SERPINC1: variants seen among roughly 807,000 people sequenced by gnomAD.
The protein encoded by SERPINC1 is serpin family C member 1, also known as antithrombin-III.
A neutral mutation model predicts 43.4 loss-of-function variants in SERPINC1; 12 were observed. The ratio of observed to expected loss-of-function variants is 0.28; its 90% confidence interval spans 0.18 to 0.45. The LOEUF is 0.45. Ranked by LOEUF, SERPINC1 falls within the 20% of genes least tolerant of loss-of-function variation. The pLI, the probability that SERPINC1 is intolerant of heterozygous loss-of-function variation, is 1.00. For missense variants in SERPINC1, 423 were observed against 578.8 expected (o/e 0.73, Z 2.76); for synonymous variants, 210 against 218.9 (o/e 0.96, Z 0.36).
chr1:173,916,777 CT>C (rs1658008314), intron 1 of SERPINC1, among the ~76,000 whole-genome samples: 1 of 152,014 alleles, frequency 6.6e-6, no homozygotes, highest in South Asian at 2.1e-4. Context: ...AGTTTTGGCC[CT>C]TTAGTCAAAG....
chr1:173,913,043 C>A (rs895220927), intron 2 of SERPINC1, among the ~76,000 whole-genome samples: 1 of 152,164 alleles, frequency 6.6e-6, no homozygotes, highest in Non-Finnish European at 1.5e-5. Flanking sequence ...CACCCCAGAG[C>A]CCTGAGCAAA....
intron 5 of SERPINC1, among the ~76,000 whole-genome samples, chr1:173,909,339 GC>G (rs1657663691): frequency 6.6e-6 from 1 of 152,130 alleles, no homozygotes; most frequent in Non-Finnish European, 1.5e-5. Context: ...TGCTAGCTGG[GC>G]CCATGGAGAT....
intron 5 of SERPINC1, among the ~76,000 whole-genome samples, chr1:173,909,218 A>G (rs1413044577): frequency 6.6e-6 from 1 of 152,116 alleles, no homozygotes; most frequent in African/African-American, 2.4e-5. Flanking sequence ...TGGGAACCAC[A>G]TTTCCCCAGC....
intron 6 of SERPINC1, among the ~76,000 whole-genome samples, chr1:173,906,400 C>G (rs1657513275): frequency 6.6e-6 from 1 of 152,188 alleles, no homozygotes; most frequent in Non-Finnish European, 1.5e-5. Context: ...CTTGTCAGAC[C>G]TCAGCATGTC....
In SERPINC1 at chr1:173,907,477, T is replaced by G; in HGVS notation, c.1191A>C (p.Ser397=). The part of the protein sequence containing the change: ...VAEGRDDLYV[S]DAFHKAFLEV... Reference sequence around the variant, plus strand: ...CAAGAAATGCCTTATGGAATGCATCTGAGACATAGAGGTCATCTCGGCCTT... The same window carrying G: ...CAAGAAATGCCTTATGGAATGCATCGGAGACATAGAGGTCATCTCGGCCTT... The change falls in exon 6 of 7, where the codon TCA becomes TCC. Residue 397 remains serine (S), a synonymous_variant. Coordinates refer to ENST00000367698, the MANE Select transcript of SERPINC1 (RefSeq NM_000488.4). The G allele has an allele frequency of 6.2e-7, 1 of 1,613,900 alleles. No individual in the cohort carries two copies. Among genetic ancestry groups the G allele is most frequent in the Non-Finnish European group, 8.5e-7 (1 of 1,179,764 alleles).
chr1:173,908,371 T>TCCTA (rs1657618295), intron 5 of SERPINC1, among the ~76,000 whole-genome samples: 1 of 150,962 alleles, frequency 6.6e-6, no homozygotes, highest in African/African-American at 2.4e-5. Context: ...GCGCCTGTAA[T>TCCTA]CCTAGCTCCT....
chr1:173,912,997 A>G (rs1657834844), intron 2 of SERPINC1, among the ~76,000 whole-genome samples: 1 of 152,240 alleles, frequency 6.6e-6, no homozygotes, highest in Non-Finnish European at 1.5e-5. Flanking sequence ...TTTTAAATCT[A>G]CAATTTCTTT....
At position 173,914,823 on chromosome 1, in the gene SERPINC1, G is replaced by A. The variant is rs775397662; in HGVS notation, c.138C>T (p.Asp46=). 11 of 1,614,236 alleles carry A rather than the reference G, an allele frequency of 6.8e-6. No homozygotes were observed. Among genetic ancestry groups the A allele is most frequent in the Middle Eastern group, 3.3e-4 (2 of 6,062 alleles). ...AAATGCACATGGGATTCATGGGAATGTCCCGCGGCTTGGCTGTGCAGATGT... is the reference window on the plus strand; with the variant it reads ...AAATGCACATGGGATTCATGGGAATATCCCGCGGCTTGGCTGTGCAGATGT... The part of the protein sequence containing the change: ...PVDICTAKPR[D]IPMNPMCIYR... Residue 46 remains aspartate (D), a synonymous_variant, in exon 2 of 7, where the codon GAC becomes GAT. Coordinates refer to ENST00000367698, the MANE Select transcript of SERPINC1 (RefSeq NM_000488.4).
At chr1:173,915,038 G>A (rs1044267766) in intron 1 of SERPINC1, 119 bp from the exon 2 acceptor site, 1 of 1,534,550 alleles carries the variant, frequency 6.5e-7, no homozygotes, top group Non-Finnish European at 8.7e-7. Flanking sequence ...CAAGAGAAAG[G>A]CTAAATCCTT....
At chr1:173,913,060 G>A (rs1024978434) in intron 2 of SERPINC1, among the ~76,000 whole-genome samples, 2 of 152,178 alleles carry the variant, frequency 1.3e-5, no homozygotes, top group South Asian at 4.1e-4. Context: ...CAAAGGTGAT[G>A]AAGTTCCATG....
At chr1:173,904,155 A>C (rs926355058) in intron 6 of SERPINC1, 90 bp from the exon 7 acceptor site, 1 of 1,259,660 alleles carries the variant, frequency 7.9e-7, no homozygotes, top group Admixed American at 1.8e-5. Context: ...CAATTCCTCA[A>C]ATGCTTTTGT....
In SERPINC1 at chr1:173,909,958, AAAGT is replaced by A; in HGVS notation, c.763-20_763-17del. 1 of 1,613,718 alleles carries A rather than the reference AAAGT, an allele frequency of 6.2e-7. No homozygotes were observed. The highest frequency in any genetic ancestry group is 8.5e-7 in the Non-Finnish European group (1 of 1,179,736). ...TCCACAGGCCCTGGAAGAGAATCAC[AAAGT>A]AAGAACACAAACATTCATAGGAGGA... On this transcript the variant is annotated splice_polypyrimidine_tract_variant and intron_variant, in intron 4 of 6. Transcript: ENST00000367698.
intron 4 of SERPINC1, 98 bp downstream of exon 4, chr1:173,910,656 G>A (rs1192166658): frequency 2.7e-6 from 3 of 1,119,476 alleles, no homozygotes. Context: ...CAGTCCATTT[G>A]CCCTCTCAGG....
chr1:173,907,547 T>C (rs1370992163), intron 5 of SERPINC1, 33 bp from the exon 6 acceptor site: 2 of 1,571,450 alleles, frequency 1.3e-6, no homozygotes, highest in African/African-American at 2.7e-5. Context: ...CTTTGTGAGA[T>C]GGGAGAAAGT....
intron 1 of SERPINC1, among the ~76,000 whole-genome samples, chr1:173,916,891 G>A (rs1459096803): frequency 2.0e-5 from 3 of 152,172 alleles, no homozygotes; most frequent in African/African-American, 4.8e-5. Flanking sequence ...CTCTCTTCCC[G>A]GATGGATGGC....
In SERPINC1 at chr1:173,914,614, G is replaced by A; in HGVS notation, c.347C>T (p.Ser116Phe). Residue 116 changes from serine (S) to phenylalanine (F), a missense_variant, in exon 2 of 7, where the codon TCC becomes TTC. Physicochemically the swap from Ser to Phe is radical, Grantham distance 155. Transcript: ENST00000367698. Reference sequence around the variant, plus strand: ...CAGCTTGGTCATAGCAAAAGCCGTGGAGATACTCAGGGGTGACAGGAAAAT... The same window carrying A: ...CAGCTTGGTCATAGCAAAAGCCGTGAAGATACTCAGGGGTGACAGGAAAAT... ...DNIFLSPLSISTAFAMTKLGA... is the reference protein window; with the variant it reads ...DNIFLSPLSIFTAFAMTKLGA... 3 of 1,614,168 alleles carry A rather than the reference G, an allele frequency of 1.9e-6. No homozygotes were observed. Among genetic ancestry groups the A allele is most frequent in the Middle Eastern group, 1.6e-4 (1 of 6,062 alleles).
chr1:173,906,369 A>T (rs572709385), intron 6 of SERPINC1, among the ~76,000 whole-genome samples: 1 of 152,218 alleles, frequency 6.6e-6, no homozygotes, highest in Admixed American at 6.5e-5. Context: ...GTGATATTCA[A>T]CCGTCTTCTT....
chr1:173,909,840 T>G lies in SERPINC1; in HGVS notation c.865A>C (p.Lys289Gln). 6.2e-7 allele frequency: 1 copy of G among 1,614,034 alleles called. No homozygotes were observed. Among genetic ancestry groups the G allele is most frequent in the Non-Finnish European group, 8.5e-7 (1 of 1,179,888 alleles). Reference sequence around the variant, plus strand: ...TCAGCCACGCGCCGATAACGGAACTTGCCTTCCTGGTACATCATAGATGCT... The same window carrying G: ...TCAGCCACGCGCCGATAACGGAACTGGCCTTCCTGGTACATCATAGATGCT... ...CSASMMYQEG[K>Q]FRYRRVAEGT... The change falls in exon 5 of 7, where the codon AAG becomes CAG. Residue 289 changes from lysine to glutamine, a missense_variant. Physicochemically the swap from Lys to Gln is moderately conservative, Grantham distance 53. Transcript: ENST00000367698.
At chr1:173,910,498 G>A (rs748343329) in intron 4 of SERPINC1, among the ~76,000 whole-genome samples, 36 of 151,998 alleles carry the variant, frequency 2.4e-4, no homozygotes, top group Non-Finnish European at 4.1e-4. Context: ...GGAGAATGCC[G>A]TGAACCCAGG....
Sources: gnomAD v4.1 joint callset for allele counts (sites outside exome capture counted in the v4.1 genomes callset) on GRCh38, gnomAD v4.1.1 for gene constraint, MANE v1.5 for transcripts, NCBI Gene and HGNC (gene_info 2026-07-23, HGNC 2026-07-21) for gene names.